Variants in STXBP6 observed in about 807,000 individuals in gnomAD.
The protein encoded by STXBP6 is syntaxin-binding protein 6.
Under a neutral mutation model 26.9 loss-of-function variants are expected in STXBP6, and 21 were observed. That is an observed-to-expected ratio of 0.78 (90% confidence interval 0.55 to 1.12). The LOEUF is 1.12. Ranked by LOEUF, STXBP6 falls within the 50% of genes most tolerant of loss-of-function variation. The pLI is 0.00. For synonymous variants in STXBP6, 97 were observed against 92.6 expected (o/e 1.05, Z -0.27); for missense variants, 232 against 257.9 (o/e 0.90, Z 0.69).
chr14:24,855,060 T>C (rs1445517993), intron 4 of STXBP6, among the ~76,000 whole-genome samples: 1 of 152,066 alleles, frequency 6.6e-6, no homozygotes, highest in Non-Finnish European at 1.5e-5. Flanking sequence ...ATACAACTTC[T>C]AGTAACTAAT....
At chr14:24,955,765 T>G (rs4981563) in intron 2 of STXBP6, among the ~76,000 whole-genome samples, 151,801 of 152,274 alleles carry the variant, frequency 1, 75,667 homozygotes, top group Middle Eastern at 1. Context: ...GAACCAACTG[T>G]GTGGGCAACA....
chr14:24,852,089 T>G (rs1190369092), intron 4 of STXBP6, among the ~76,000 whole-genome samples: 1 of 152,140 alleles, frequency 6.6e-6, no homozygotes, highest in South Asian at 2.1e-4. Context: ...AGACCAGACC[T>G]CTACCTTCCA....
At chr14:24,935,996 C>G (rs560354534) in intron 2 of STXBP6, among the ~76,000 whole-genome samples, 109 of 152,294 alleles carry the variant, frequency 7.2e-4, no homozygotes, top group African/African-American at 2.5e-3. Context: ...TGTAGAATCA[C>G]AAAGCACATG....
chr14:25,020,792 T>C (rs966062658), intron 1 of STXBP6, among the ~76,000 whole-genome samples: 2 of 152,166 alleles, frequency 1.3e-5, no homozygotes, highest in African/African-American at 4.8e-5. Flanking sequence ...TAACACGCTT[T>C]CCATAGCACT....
chr14:24,898,488 C>A (rs551933807), intron 2 of STXBP6, among the ~76,000 whole-genome samples: 7 of 152,182 alleles, frequency 4.6e-5, no homozygotes, highest in African/African-American at 1.4e-4. Context: ...ACCAGCCTGG[C>A]CAATATGGTG....
intron 4 of STXBP6, among the ~76,000 whole-genome samples, chr14:24,847,318 T>C (rs2068995837): frequency 6.6e-6 from 1 of 152,176 alleles, no homozygotes; most frequent in Admixed American, 6.5e-5. Flanking sequence ...TTTTACTGCC[T>C]ACGTGAAATA....
intron 1 of STXBP6, among the ~76,000 whole-genome samples, chr14:25,005,158 T>G (rs923969168): frequency 3.9e-5 from 6 of 152,192 alleles, no homozygotes; most frequent in African/African-American, 1.4e-4. Context: ...TTTATTTACC[T>G]TTTTAAAAGG....
intron 2 of STXBP6, among the ~76,000 whole-genome samples, chr14:24,919,017 A>C (rs1010924487): frequency 6.6e-6 from 1 of 152,056 alleles, no homozygotes; most frequent in African/African-American, 2.4e-5. Flanking sequence ...TGGAAATTCT[A>C]CTGTTATCAT....
Position 24,861,198 on chromosome 14 carries a change from G to A in STXBP6, c.155-4041C>T, listed in dbSNP as rs111582027. Among the ~76,000 whole-genome samples, 718 of 152,240 alleles carry A rather than the reference G, an allele frequency of 4.7e-3. 6 individuals carry two copies. Among genetic ancestry groups the A allele is most frequent in the African/African-American group, 0.017 (689 of 41,546 alleles). On this transcript the variant is annotated intron_variant, in intron 2 of 5. Coordinates refer to ENST00000323944, the MANE Select transcript of STXBP6 (RefSeq NM_001394410.1). ...CCCTATTTTGACCTTACAGTTAAGTGAAGGTCCGTGTTGTGTGGTATGCCT... is the reference window on the plus strand; with the variant it reads ...CCCTATTTTGACCTTACAGTTAAGTAAAGGTCCGTGTTGTGTGGTATGCCT...
At chr14:24,869,621 G>T (rs764993417) in intron 2 of STXBP6, among the ~76,000 whole-genome samples, 1 of 152,062 alleles carries the variant, frequency 6.6e-6, no homozygotes, top group Non-Finnish European at 1.5e-5. Flanking sequence ...TGCCTAAATC[G>T]CATCATAATT....
intron 1 of STXBP6, among the ~76,000 whole-genome samples, chr14:25,000,306 G>C (rs1030549916): frequency 1.3e-5 from 2 of 150,870 alleles, no homozygotes; most frequent in East Asian, 3.9e-4. Flanking sequence ...CTCGTGATAC[G>C]CCCGCCTCGG....
chr14:24,888,616 A>G (rs914773208), intron 2 of STXBP6, among the ~76,000 whole-genome samples: 2 of 151,898 alleles, frequency 1.3e-5, no homozygotes, highest in African/African-American at 4.8e-5. Context: ...CCTGCTACTC[A>G]GGAGGCTGAG....
At chr14:24,987,694 C>T (rs12018987) in intron 1 of STXBP6, among the ~76,000 whole-genome samples, 4,969 of 152,316 alleles carry the variant, frequency 0.033, 264 homozygotes, top group African/African-American at 0.11. Context: ...CATTGCTACC[C>T]TCTGCCACTC....
chr14:24,887,531 C>T (rs1166386640), intron 2 of STXBP6, among the ~76,000 whole-genome samples: 2 of 152,128 alleles, frequency 1.3e-5, no homozygotes, highest in Admixed American at 6.5e-5. Context: ...TACTCTTTTT[C>T]TCTTTTTGTT....
chr14:24,931,175 G>A (rs1228797934), intron 2 of STXBP6, among the ~76,000 whole-genome samples: 1 of 131,540 alleles, frequency 7.6e-6, no homozygotes, highest in African/African-American at 2.9e-5. Context: ...TCATAGGTGG[G>A]AACTGAACAA....
intron 2 of STXBP6, among the ~76,000 whole-genome samples, chr14:24,962,888 G>GAAAA (rs34723086): frequency 7.0e-6 from 1 of 143,814 alleles, no homozygotes; most frequent in Non-Finnish European, 1.5e-5. Flanking sequence ...GGTGAAAACT[G>GAAAA]AAAAAAAAAA....
intron 2 of STXBP6, among the ~76,000 whole-genome samples, chr14:24,969,084 T>C (rs901281766): frequency 1.3e-5 from 2 of 152,310 alleles, no homozygotes; most frequent in African/African-American, 4.8e-5. Flanking sequence ...TCCTAATACA[T>C]GTCATTACCT....
At chr14:24,848,513 G>A (rs907075076) in intron 4 of STXBP6, among the ~76,000 whole-genome samples, 3 of 152,064 alleles carry the variant, frequency 2.0e-5, no homozygotes, top group Admixed American at 2.0e-4. Context: ...AGACAAAAAT[G>A]GTATTTTGGA....
intron 2 of STXBP6, among the ~76,000 whole-genome samples, chr14:24,951,540 A>G (rs1387832356): frequency 6.6e-6 from 1 of 152,198 alleles, no homozygotes; most frequent in Non-Finnish European, 1.5e-5. Flanking sequence ...ATGTCTGTTC[A>G]TGTCCTTTGC....
Sources: gnomAD v4.1 joint callset for allele counts (sites outside exome capture counted in the v4.1 genomes callset) on GRCh38, gnomAD v4.1.1 for gene constraint, MANE v1.5 for transcripts, NCBI Gene and HGNC (gene_info 2026-07-23, HGNC 2026-07-21) for gene names.